PCDHGB5: variants seen among roughly 807,000 people sequenced by gnomAD.
PCDHGB5 encodes protocadherin gamma-B5.
A neutral mutation model predicts 62.9 loss-of-function variants in PCDHGB5; 48 were observed. The ratio of observed to expected loss-of-function variants is 0.76; its 90% CI spans 0.61 to 0.97. The LOEUF is 0.97. PCDHGB5 is among the 50% of genes least tolerant of loss of function. PCDHGB5 has a pLI of 0.00. For missense variants in PCDHGB5, 1,118 were observed against 1,198.6 expected (o/e 0.93, Z 0.99); for synonymous variants, 474 against 511.2 (o/e 0.93, Z 0.98).
In PCDHGB5 at chr5:141,400,151, C is replaced by T; in HGVS notation, c.2024C>T (p.Pro675Leu). Residue 675 changes from proline to leucine, a missense_variant, in exon 1 of 4, where the codon CCT (proline) becomes CTT (leucine). Around this residue, in one of 2 missense-constraint regions of PCDHGB5, gnomAD observed 1,034 missense variants for 1,029.1 expected, o/e 1.00. Transcript: ENST00000617380. ...GTGCTGCCGGATATCACTGACCGCC[C>T]TGTACCCTCTGACCCCCAGGCTGAG... ...QEVLPDITDRPVPSDPQAELQ... is the reference protein window; with the variant it reads ...QEVLPDITDRLVPSDPQAELQ... 6.2e-7 allele frequency: 1 copy of T among 1,614,086 alleles called. No individual in the cohort carries two copies. The highest frequency in any genetic ancestry group is 8.5e-7 in the Non-Finnish European group (1 of 1,179,900).
Position 141,424,520 on chromosome 5 carries a change from A to T in PCDHGB5, c.2397+23996A>T, listed in dbSNP as rs527395935. ...GTATGGAAGGTTTTTTAATGTAGTA[A>T]ATCCATATATAGAAATAACTTGATT... is the stretch of plus-strand genomic sequence containing the variant. On this transcript the variant is annotated intron_variant, in intron 1 of 3. Coordinates refer to ENST00000617380, the MANE Select transcript of PCDHGB5 (RefSeq NM_018925.3). 15 of 152,286 alleles carry T rather than the reference A, an allele frequency of 9.8e-5. No individual in the cohort carries two copies. In the East Asian group the frequency reaches 2.9e-3, roughly 29 times the overall value. The allele number at this position is 152,286 out of a possible 1,614,324, so 9.4% of individuals were successfully genotyped here. A position where few individuals can be genotyped will look rare whatever the true frequency, so the allele number is the denominator to read the frequency against.
chr5:141,423,241 G>A (rs1485226833), intron 1 of PCDHGB5: 19 of 1,613,954 alleles, frequency 1.2e-5, no homozygotes, highest in Non-Finnish European at 1.4e-5. Flanking sequence ...CATCCCCGAA[G>A]TCCTGGCGGA....
At chr5:141,506,053 T>C (rs1486313858) in intron 3 of PCDHGB5, among the ~76,000 whole-genome samples, 1 of 152,126 alleles carries the variant, frequency 6.6e-6, no homozygotes, top group Non-Finnish European at 1.5e-5. Context: ...TCCCATAAGG[T>C]TGACTAAGGG....
intron 1 of PCDHGB5, chr5:141,433,070 C>T: frequency 6.2e-7 from 1 of 1,614,174 alleles, no homozygotes; most frequent in Non-Finnish European, 8.5e-7. Flanking sequence ...CCTGATCTTC[C>T]CCCAGCCCAA....
Position 141,489,087 on chromosome 5 carries a change from T to TCAAA in PCDHGB5, c.2398-5720_2398-5719insCAAA. 4.6e-6 allele frequency: 1 copy of TCAAA among 216,106 alleles called. No individual in the cohort carries two copies. The highest frequency in any genetic ancestry group is 8.4e-6 in the Non-Finnish European group (1 of 118,736). The allele number at this position is 216,106 out of a possible 1,614,324, so 13.4% of individuals were successfully genotyped here. On this transcript the variant is annotated intron_variant, in intron 1 of 3. Coordinates refer to ENST00000617380, the MANE Select transcript of PCDHGB5 (RefSeq NM_018925.3). This position sits in a 1 kb window ranked among gnomAD's most constrained non-coding sequence, Gnocchi z 4.5. The stretch of plus-strand genomic sequence containing the variant: ...CCCCCTGCCCACCCCCGCCACTCGG[T>TCAAA]GACTAAGAACTGCTGCAAGCAGGCA...
At position 141,433,251 on chromosome 5, in the gene PCDHGB5, C is replaced by T. The variant is rs1022165468; in HGVS notation, c.2397+32727C>T. The T allele has an allele frequency of 1.1e-5, 16 of 1,423,126 alleles. No homozygotes were observed. In the East Asian group the frequency reaches 3.7e-4, roughly 33 times the overall value. 88.2% of individuals were successfully genotyped at this position (1,423,126 alleles called of 1,614,324 possible). A position where few individuals can be genotyped will look rare whatever the true frequency, so the allele number is the denominator to read the frequency against. ...CTCTGTCTCCCAAGCTGGAATGCAGCGGTACGATCATAGCTCACTGCAGCC... is the reference window on the plus strand; with the variant it reads ...CTCTGTCTCCCAAGCTGGAATGCAGTGGTACGATCATAGCTCACTGCAGCC... On this transcript the variant is annotated intron_variant, in intron 1 of 3. Transcript: ENST00000617380.
intron 1 of PCDHGB5, among the ~76,000 whole-genome samples, chr5:141,436,896 A>C (rs567359498): frequency 6.6e-6 from 1 of 152,368 alleles, no homozygotes; most frequent in East Asian, 1.9e-4. Context: ...AAAGATTTTT[A>C]TATGAGACAA....
chr5:141,437,444 G>A (rs957088733), intron 1 of PCDHGB5, among the ~76,000 whole-genome samples: 26 of 152,212 alleles, frequency 1.7e-4, no homozygotes, highest in Admixed American at 2.0e-4. Context: ...GCATAGGAAT[G>A]TTGAGGAGAC....
At chr5:141,433,767 G>A (rs1237334342) in intron 1 of PCDHGB5, among the ~76,000 whole-genome samples, 1 of 151,532 alleles carries the variant, frequency 6.6e-6, no homozygotes, top group East Asian at 1.9e-4. Flanking sequence ...AACCTGGGAG[G>A]TGGAGGTTGC....
Position 141,489,088 on chromosome 5 carries a change from G to GCCA in PCDHGB5, c.2398-5719_2398-5718insCCA. ...CCCCTGCCCACCCCCGCCACTCGGTGACTAAGAACTGCTGCAAGCAGGCAA... is the reference window on the plus strand; with the variant it reads ...CCCCTGCCCACCCCCGCCACTCGGTGCCAACTAAGAACTGCTGCAAGCAGGCAA... On this transcript the variant is annotated intron_variant, in intron 1 of 3. Coordinates refer to ENST00000617380, the MANE Select transcript of PCDHGB5 (RefSeq NM_018925.3). This position sits in a 1 kb window ranked among gnomAD's most constrained non-coding sequence, Gnocchi z 4.5. The GCCA allele has an allele frequency of 2.9e-6, 1 of 347,238 alleles. No individual in the cohort carries two copies. 21.5% of individuals were successfully genotyped at this position (347,238 alleles called of 1,614,324 possible). A position where few individuals can be genotyped will look rare whatever the true frequency, so the allele number is the denominator to read the frequency against.
At chr5:141,410,037 G>T (rs760397726) in intron 1 of PCDHGB5, 2 of 1,613,250 alleles carry the variant, frequency 1.2e-6, no homozygotes, top group South Asian at 2.2e-5. Flanking sequence ...CTGCAGGCCA[G>T]TGAGCCCGGA....
chr5:141,475,384 A>T (rs2099362853), intron 1 of PCDHGB5, among the ~76,000 whole-genome samples: 1 of 152,370 alleles, frequency 6.6e-6, no homozygotes, highest in East Asian at 1.9e-4. Flanking sequence ...TTTAAATTTT[A>T]TAAGCCAGAG....
chr5:141,398,580 A>T lies in PCDHGB5; in HGVS notation c.453A>T (p.Arg151Ser). 2 of 1,614,044 alleles carry T rather than the reference A, an allele frequency of 1.2e-6. No individual in the cohort carries two copies. Among genetic ancestry groups the T allele is most frequent in the Non-Finnish European group, 1.7e-6 (2 of 1,179,900 alleles). Residue 151 changes from arginine to serine, a missense_variant, in exon 1 of 4, where the codon AGA (arginine) becomes AGT (serine). Physicochemically the swap from Arg to Ser is moderately radical, Grantham distance 110. Transcript: ENST00000617380. Reference sequence around the variant, plus strand: ...GTGAGTCTGCACAGCCTGGCACAAGATTTATACTAGAAGTAGCAGAAGATG... The same window carrying T: ...GTGAGTCTGCACAGCCTGGCACAAGTTTTATACTAGAAGTAGCAGAAGATG... ...QISESAQPGT[R>S]FILEVAEDAD...
At chr5:141,438,591 CATATATAT>C (rs946798767) in intron 1 of PCDHGB5, among the ~76,000 whole-genome samples, 35 of 75,562 alleles carry the variant, frequency 4.6e-4, no homozygotes, top group South Asian at 1.0e-3. Flanking sequence ...TACATACATA[CATATATAT>C]ATATATATAT....
chr5:141,422,508 C>T (rs2096653251), intron 1 of PCDHGB5: 1 of 1,613,984 alleles, frequency 6.2e-7, no homozygotes, highest in Non-Finnish European at 8.5e-7. Flanking sequence ...CAGCCACAGA[C>T]CAGGGAAGCC....
At chr5:141,410,132 G>T (rs1278988827) in intron 1 of PCDHGB5, 1 of 1,612,754 alleles carries the variant, frequency 6.2e-7, no homozygotes, top group Non-Finnish European at 8.5e-7. Flanking sequence ...GCGCCTGCTG[G>T]TCGCTGTGCG....
At chr5:141,404,063 G>A in intron 1 of PCDHGB5, 1 of 1,613,798 alleles carries the variant, frequency 6.2e-7, no homozygotes, top group Non-Finnish European at 8.5e-7. Context: ...TCTTTTCAAT[G>A]CTCATGACCG....
At chr5:141,495,392 G>A (rs2099760968) in intron 2 of PCDHGB5, among the ~76,000 whole-genome samples, 2 of 152,186 alleles carry the variant, frequency 1.3e-5, no homozygotes, top group Non-Finnish European at 2.9e-5. Context: ...GGCGGGGCAT[G>A]GAGCAGGCCC....
chr5:141,413,684 C>T, intron 1 of PCDHGB5: 1 of 1,613,838 alleles, frequency 6.2e-7, no homozygotes, highest in Non-Finnish European at 8.5e-7. Context: ...GGCGTGAACT[C>T]CCTGCAGAGC....
Sources: allele counts gnomAD v4.1 joint callset (sites outside exome capture counted in the v4.1 genomes callset), GRCh38; gene constraint gnomAD v4.1.1; regional missense constraint gnomAD v4.1.1; non-coding constraint Gnocchi (gnomAD v3.1); transcripts MANE v1.5; gene names NCBI Gene and HGNC (gene_info 2026-07-23, HGNC 2026-07-21).